Variants in IKZF2 observed in about 807,000 individuals in gnomAD.
The protein encoded by IKZF2 is IKAROS family zinc finger 2, also known as zinc finger protein Helios.
IKZF2 carries 15 observed loss-of-function variants against 49.2 expected under a neutral mutation model. The observed-to-expected ratio is 0.30, with a 90% confidence interval of 0.20 to 0.47. The LOEUF (loss-of-function observed/expected upper bound fraction) is 0.47. Among genes scored for constraint, IKZF2 ranks in the 20% least tolerant of loss-of-function variants. The pLI, the probability that IKZF2 is intolerant of heterozygous loss-of-function variation, is 1.00. For synonymous variants in IKZF2, 227 were observed against 221.4 expected (o/e 1.03, Z -0.23); for missense variants, 567 against 664.6 (o/e 0.85, Z 1.61).
At chr2:213,103,098 C>T (rs1458980127) in intron 4 of IKZF2, among the ~76,000 whole-genome samples, 1 of 152,136 alleles carries the variant, frequency 6.6e-6, no homozygotes, top group Non-Finnish European at 1.5e-5. Flanking sequence ...AAATATACAA[C>T]TAATCTAACA....
chr2:213,053,498 G>A (rs188339640), intron 5 of IKZF2, among the ~76,000 whole-genome samples: 51 of 152,230 alleles, frequency 3.4e-4, no homozygotes, highest in African/African-American at 1.2e-3. Context: ...AAGACAGAGG[G>A]TGCTCCTATG....
intron 3 of IKZF2, 64 bp downstream of exon 3, chr2:213,148,532 A>T: frequency 9.1e-7 from 1 of 1,102,264 alleles, no homozygotes; most frequent in Non-Finnish European, 1.4e-6. Flanking sequence ...TCCAGGAATT[A>T]AAACACAGGT....
intron 4 of IKZF2, among the ~76,000 whole-genome samples, chr2:213,080,508 A>G (rs547646441): frequency 1.3e-5 from 2 of 152,322 alleles, no homozygotes; most frequent in East Asian, 1.9e-4. Context: ...AACTTTGAAA[A>G]TGGTTGAAAT....
intron 6 of IKZF2, among the ~76,000 whole-genome samples, chr2:213,026,034 C>T (rs915873376): frequency 1.3e-5 from 2 of 152,100 alleles, no homozygotes; most frequent in Non-Finnish European, 2.9e-5. Context: ...TTCCTCTCTC[C>T]AACAACTTTC....
At chr2:213,021,964 T>TA in intron 7 of IKZF2, 29 bp downstream of exon 7, 1 of 1,587,556 alleles carries the variant, frequency 6.3e-7, no homozygotes, top group Non-Finnish European at 8.6e-7. Context: ...TAGGGGGAAA[T>TA]AAAAATGATG....
chr2:213,135,537 A>C (rs1302953927), intron 4 of IKZF2, among the ~76,000 whole-genome samples: 1 of 151,950 alleles, frequency 6.6e-6, no homozygotes, highest in African/African-American at 2.4e-5. Flanking sequence ...TCTAAAAAAA[A>C]ATTGTTAAAA....
At chr2:213,037,443 C>T (rs13396997) in intron 6 of IKZF2, among the ~76,000 whole-genome samples, 87,252 of 152,028 alleles carry the variant, frequency 0.57, 25,918 homozygotes, top group East Asian at 0.76. Context: ...GAAACAATAA[C>T]GAAGAGTAGA....
intron 4 of IKZF2, among the ~76,000 whole-genome samples, chr2:213,119,848 ATAAT>A (rs1302453298): frequency 5.3e-5 from 8 of 152,200 alleles, no homozygotes; most frequent in Non-Finnish European, 5.9e-5. Context: ...GAGAAGAAAA[ATAAT>A]TAGTTAGTAG....
At position 213,004,916 on chromosome 2, in the gene IKZF2, T is replaced by G. The variant is rs1695197671; in HGVS notation, c.*2444A>C. 6.6e-6 allele frequency: 1 copy of G among 152,380 alleles called. No individual in the cohort carries two copies. The highest frequency in any genetic ancestry group is 2.4e-5 in the African/African-American group (1 of 41,408). The allele number at this position is 152,380 out of a possible 1,614,324, so 9.4% of individuals were successfully genotyped here. The stretch of plus-strand genomic sequence containing the variant: ...TCAGAAAAGGAAAGTGCCTCAGCAC[T>G]GTCTTCATAAGGTTTAGGGTCCACC... On this transcript the variant is annotated 3_prime_UTR_variant, in exon 9 of 9. Coordinates refer to ENST00000434687, the MANE Select transcript of IKZF2 (RefSeq NM_001387220.1).
At chr2:213,038,950 T>G (rs1401833129) in intron 6 of IKZF2, among the ~76,000 whole-genome samples, 1 of 152,142 alleles carries the variant, frequency 6.6e-6, no homozygotes, top group Non-Finnish European at 1.5e-5. Context: ...TTATGTTGTT[T>G]CTTTAAACAA....
chr2:213,136,702 T>C lies in IKZF2; in HGVS notation c.139+11006A>G, dbSNP rs1388985674. Among the ~76,000 whole-genome samples, 4 of 152,194 alleles carry C rather than the reference T, an allele frequency of 2.6e-5. No homozygotes were observed. The East Asian group carries it at 7.7e-4, about 29-fold the overall frequency. On this transcript the variant is annotated intron_variant, in intron 4 of 8. Transcript: ENST00000434687. ...AAATTACACAAATAATATATGAATT[T>C]ATTTTTTGTAAGAGACTTAAAGAAT... is the stretch of plus-strand genomic sequence containing the variant.
At position 213,033,419 on chromosome 2, in the gene IKZF2, C is replaced by T. The variant is rs112999902; in HGVS notation, c.575-11289G>A. ...GGTTTTCAGTTTACTTTGCCCACAT[C>T]CATCATAGAAATCACTGTCTATGGC... On this transcript the variant is annotated intron_variant, in intron 6 of 8. Coordinates refer to ENST00000434687, the MANE Select transcript of IKZF2 (RefSeq NM_001387220.1). Among the ~76,000 whole-genome samples the T allele has an allele frequency of 5.8e-3, 876 of 152,310 alleles. 2 individuals carry two copies. Among genetic ancestry groups the T allele is most frequent in the Non-Finnish European group, 9.7e-3 (663 of 68,018 alleles).
rs150993400 is a variant in IKZF2 at position 213,083,786 on chromosome 2, G to T, written c.140-26687C>A. The stretch of plus-strand genomic sequence containing the variant: ...ATGAGAATCTAACGCCTGATGATCT[G>T]TCACTGTCTCCCATCACCCCCAGAC... On this transcript the variant is annotated intron_variant, in intron 4 of 8. Transcript: ENST00000434687. Among the ~76,000 whole-genome samples the T allele has an allele frequency of 4.3e-3, 643 of 150,552 alleles. 4 individuals are homozygous for T. The highest frequency in any genetic ancestry group is 0.01 in the Middle Eastern group (3 of 292).
In IKZF2 at chr2:213,001,975, G is replaced by C. The variant is rs1179351871; in HGVS notation, c.*5385C>G. On this transcript the variant is annotated 3_prime_UTR_variant, in exon 9 of 9. Coordinates refer to ENST00000434687, the MANE Select transcript of IKZF2 (RefSeq NM_001387220.1). ...AAAAATCAATTTCCAGTAAATTAAA[G>C]TAAGTAAAATCTTGGTAAGTGCATA... 6.6e-6 allele frequency: 1 copy of C among 151,432 alleles called. No homozygotes were observed. Among genetic ancestry groups the C allele is most frequent in the Non-Finnish European group, 1.5e-5 (1 of 67,534 alleles). 9.4% of individuals were successfully genotyped at this position (151,432 alleles called of 1,614,324 possible).
At chr2:213,061,954 T>C (rs1295230317) in intron 4 of IKZF2, among the ~76,000 whole-genome samples, 1 of 151,642 alleles carries the variant, frequency 6.6e-6, no homozygotes, top group South Asian at 2.1e-4. Context: ...CTACTTTTTA[T>C]GCTATAACTT....
rs915124282 is a variant in IKZF2 at position 213,006,352 on chromosome 2, C to T, written c.*1008G>A. ...AGGGATTTCTAAGTGGGTTTTCTCC[C>T]CCTACTGTTAGCATAATTATATTTT... On this transcript the variant is annotated 3_prime_UTR_variant, in exon 9 of 9. Transcript: ENST00000434687. 1.3e-5 allele frequency: 2 copies of T among 152,336 alleles called. No homozygotes were observed. The highest frequency in any genetic ancestry group is 2.4e-5 in the African/African-American group (1 of 41,376). 9.4% of individuals were successfully genotyped at this position (152,336 alleles called of 1,614,324 possible).
chr2:213,062,942 A>G (rs1202130262), intron 4 of IKZF2, among the ~76,000 whole-genome samples: 1 of 152,062 alleles, frequency 6.6e-6, no homozygotes, highest in Non-Finnish European at 1.5e-5. Context: ...ATTATTTACT[A>G]AGAATTTACC....
chr2:213,044,068 C>G (rs1699916731), intron 6 of IKZF2, among the ~76,000 whole-genome samples: 1 of 152,176 alleles, frequency 6.6e-6, no homozygotes, highest in Admixed American at 6.5e-5. Context: ...TAAGTTTAGT[C>G]AATGTGAGGC....
At chr2:213,120,352 A>T (rs534045819) in intron 4 of IKZF2, among the ~76,000 whole-genome samples, 1 of 152,246 alleles carries the variant, frequency 6.6e-6, no homozygotes, top group Admixed American at 6.5e-5. Context: ...TTTGAAAAGG[A>T]TTGAGAGTTT....
Sources: allele counts gnomAD v4.1 joint callset (sites outside exome capture counted in the v4.1 genomes callset), GRCh38; gene constraint gnomAD v4.1.1; transcripts MANE v1.5; gene names NCBI Gene and HGNC (gene_info 2026-07-23, HGNC 2026-07-21).